SLCO2B1: variants seen among roughly 807,000 people sequenced by gnomAD.
SLCO2B1 encodes OATP-RP2.
SLCO2B1 carries 41 observed loss-of-function variants against 67.3 expected under a neutral mutation model. The ratio of observed to expected loss-of-function variants is 0.61; its 90% confidence interval spans 0.47 to 0.79. The LOEUF is 0.79. Among genes scored for constraint, SLCO2B1 ranks in the 30% least tolerant of loss-of-function variants. The pLI is 0.00. For synonymous variants in SLCO2B1, 379 were observed against 381.4 expected (o/e 0.99, Z 0.07); for missense variants, 837 against 920.1 (o/e 0.91, Z 1.17).
intron 9 of SLCO2B1, among the ~76,000 whole-genome samples, chr11:75,196,077 C>G (rs995988746): frequency 1.3e-5 from 2 of 152,214 alleles, no homozygotes; most frequent in Non-Finnish European, 2.9e-5. Flanking sequence ...CCCAGAGAGG[C>G]AGGAACAGGC....
chr11:75,160,176 C>T (rs1459058642), intron 1 of SLCO2B1, among the ~76,000 whole-genome samples: 1 of 152,234 alleles, frequency 6.6e-6, no homozygotes, highest in African/African-American at 2.4e-5. Flanking sequence ...ACCTGGTTGG[C>T]TTGGCCCCTT....
chr11:75,171,405 C>T lies in SLCO2B1; in HGVS notation c.782-974C>T, dbSNP rs576495417. Among the ~76,000 whole-genome samples, 11 of 152,266 alleles carry T rather than the reference C, an allele frequency of 7.2e-5. No homozygotes were observed. In the East Asian group the frequency reaches 1.9e-3, roughly 27 times the overall value. The stretch of plus-strand genomic sequence containing the variant: ...TTGAGTAGCTGAGACTGCAGGTGTG[C>T]ACCATCACACCTGGGTAACTTTTTA... On this transcript the variant is annotated intron_variant, in intron 6 of 13. Coordinates refer to ENST00000289575, the MANE Select transcript of SLCO2B1 (RefSeq NM_007256.5).
intron 4 of SLCO2B1, among the ~76,000 whole-genome samples, chr11:75,166,603 C>T (rs773199569): frequency 1.0e-4 from 15 of 148,604 alleles, no homozygotes; most frequent in Admixed American, 6.7e-4. Context: ...ACCCATTCAT[C>T]CATCATCTAT....
chr11:75,154,786 G>A (rs2712818), intron 1 of SLCO2B1, among the ~76,000 whole-genome samples: 2 of 152,092 alleles, frequency 1.3e-5, no homozygotes, highest in East Asian at 3.9e-4. Flanking sequence ...GCCTGAAGAC[G>A]GTCATTTGGG....
At chr11:75,154,336 A>G (rs1419660352) in intron 1 of SLCO2B1, among the ~76,000 whole-genome samples, 1 of 151,906 alleles carries the variant, frequency 6.6e-6, no homozygotes, top group Non-Finnish European at 1.5e-5. Flanking sequence ...TCTACTAAAA[A>G]AAAAATACAA....
At chr11:75,178,848 C>T (rs1420852162) in intron 7 of SLCO2B1, among the ~76,000 whole-genome samples, 2 of 152,154 alleles carry the variant, frequency 1.3e-5, no homozygotes, top group African/African-American at 2.4e-5. Context: ...TATTTCACAC[C>T]AAGGTGAGAA....
intron 7 of SLCO2B1, among the ~76,000 whole-genome samples, chr11:75,179,844 C>A (rs970410807): frequency 1.4e-5 from 2 of 144,412 alleles, no homozygotes; most frequent in East Asian, 2.2e-4. Context: ...TAAAGCAATT[C>A]TCCTGCGTCA....
At chr11:75,169,453 CA>C (rs778219084) in intron 5 of SLCO2B1, 47 bp downstream of exon 5, 5 of 1,496,138 alleles carry the variant, frequency 3.3e-6, no homozygotes, top group Admixed American at 3.8e-5. Context: ...AGGCCAGGCT[CA>C]ACTAGGAGGA....
chr11:75,183,445 T>C (rs1950111731), intron 7 of SLCO2B1, among the ~76,000 whole-genome samples: 1 of 152,218 alleles, frequency 6.6e-6, no homozygotes, highest in Admixed American at 6.5e-5. Context: ...TTCAGTTTCC[T>C]TCAAATCACA....
At chr11:75,170,497 G>C (rs1159838074) in intron 6 of SLCO2B1, among the ~76,000 whole-genome samples, 1 of 152,156 alleles carries the variant, frequency 6.6e-6, no homozygotes. Context: ...GCACGTCACT[G>C]TGGCATCCCA....
At chr11:75,162,014 C>G (rs1031843557) in intron 1 of SLCO2B1, among the ~76,000 whole-genome samples, 1 of 152,132 alleles carries the variant, frequency 6.6e-6, no homozygotes, top group Non-Finnish European at 1.5e-5. Context: ...TTAAGTGAGA[C>G]GAGCTCAGAG....
At position 75,196,796 on chromosome 11, in the gene SLCO2B1, G is replaced by C; in HGVS notation, c.1599+117G>C. On this transcript the variant is annotated intron_variant, in intron 10 of 13. Transcript: ENST00000289575. ...CTCACTCTGTAGCTCTCGTCTCTCT[G>C]TCTCTCTCTGTTGGCAGATGTAGAA... The C allele has an allele frequency of 3.2e-6, 3 of 939,558 alleles. No homozygotes were observed. The East Asian group carries it at 8.1e-5, about 25-fold the overall frequency. 58.2% of individuals were successfully genotyped at this position (939,558 alleles called of 1,614,324 possible).
At position 75,191,864 on chromosome 11, in the gene SLCO2B1, G is replaced by A. The variant is rs995600735; in HGVS notation, c.1076-1354G>A. ...TTTCACCTGGGCTGCCCCTACCAAT[G>A]AGCATCACTTGGCTGCTGGAGCCCA... On this transcript the variant is annotated intron_variant, in intron 8 of 13. Transcript: ENST00000289575. Among the ~76,000 whole-genome samples, 5 of 152,194 alleles carry A rather than the reference G, an allele frequency of 3.3e-5. No homozygotes were observed. The East Asian group carries it at 7.7e-4, about 23-fold the overall frequency.
chr11:75,169,600 G>C lies in SLCO2B1; in HGVS notation c.683-66G>C, dbSNP rs551178978. ...AGAGTGTTCTTGCCCATCAGAGACT[G>C]GGCAAGCACTGGTCTGCAGAGGGAA... is the stretch of plus-strand genomic sequence containing the variant. On this transcript the variant is annotated intron_variant, in intron 5 of 13. Transcript: ENST00000289575. 1.0e-5 allele frequency: 14 copies of C among 1,398,522 alleles called. No individual in the cohort carries two copies. The East Asian group carries it at 3.2e-4, about 32-fold the overall frequency. 86.6% of individuals were successfully genotyped at this position (1,398,522 alleles called of 1,614,324 possible). A position where few individuals can be genotyped will look rare whatever the true frequency, so the allele number is the denominator to read the frequency against.
intron 6 of SLCO2B1, among the ~76,000 whole-genome samples, chr11:75,171,006 C>T (rs1355072291): frequency 1.3e-5 from 2 of 152,156 alleles, no homozygotes; most frequent in African/African-American, 2.4e-5. Flanking sequence ...GCTGCAGGCA[C>T]AGACTGATAA....
intron 1 of SLCO2B1, among the ~76,000 whole-genome samples, chr11:75,154,483 A>G (rs959081245): frequency 2.6e-5 from 4 of 152,070 alleles, no homozygotes; most frequent in African/African-American, 7.2e-5. Flanking sequence ...CTGGGCAACA[A>G]GAGTGAGACT....
At chr11:75,158,144 G>A (rs893833773) in intron 1 of SLCO2B1, among the ~76,000 whole-genome samples, 4 of 151,888 alleles carry the variant, frequency 2.6e-5, no homozygotes, top group Non-Finnish European at 5.9e-5. Flanking sequence ...GCATGATCTC[G>A]GCTCACTGCA....
chr11:75,164,333 G>A (rs564727559), intron 3 of SLCO2B1, among the ~76,000 whole-genome samples: 2 of 151,970 alleles, frequency 1.3e-5, no homozygotes, highest in Admixed American at 6.5e-5. Flanking sequence ...GGAATATTTC[G>A]GAGCTAGCCA....
intron 10 of SLCO2B1, chr11:75,199,893 C>G (rs2140344970): frequency 3.2e-6 from 1 of 310,540 alleles, no homozygotes; most frequent in East Asian, 7.2e-5. Context: ...ACATGGCCAG[C>G]CTGGGGATGT....
Sources: allele counts gnomAD v4.1 joint callset (sites outside exome capture counted in the v4.1 genomes callset), GRCh38; gene constraint gnomAD v4.1.1; transcripts MANE v1.5; gene names NCBI Gene and HGNC (gene_info 2026-07-23, HGNC 2026-07-21).